The following ERBB4 variants were observed in gnomAD, a reference collection of about 807,000 sequenced individuals.
ERBB4 encodes receptor tyrosine-protein kinase erbB-4.
In ERBB4, 42 loss-of-function variants were observed where a neutral mutation model predicts 158.0. That is an observed-to-expected ratio of 0.27 (90% CI 0.21 to 0.34). ERBB4 has a LOEUF of 0.34. Among genes scored for constraint, ERBB4 ranks in the 10% least tolerant of loss-of-function variants. The probability of loss-of-function intolerance (pLI) is 1.00; values close to 1 mark genes in which losing one functional copy is unlikely to be tolerated. For missense variants in ERBB4, 1,333 were observed against 1,624.1 expected, an observed-to-expected ratio of 0.82 and a Z score of 3.08; for synonymous variants, 583 against 558.7, an observed-to-expected ratio of 1.04 and a Z score of -0.61.
At position 211,769,066 on chromosome 2, in the gene ERBB4, T is replaced by C. The variant is rs953485754; in HGVS notation, c.557-18362A>G. On this transcript the variant is annotated intron_variant, in intron 4 of 27. Coordinates refer to ENST00000342788, the MANE Select transcript of ERBB4 (RefSeq NM_005235.3). ...GCACCCTAGTCATATCTTGAATGCT[T>C]TGCTGTTTAGAAATTTCTTCTGCCA... 1.1e-4 allele frequency among the ~76,000 whole-genome samples: 16 copies of C among 152,208 alleles called. 1 individual carries two copies. Among genetic ancestry groups the C allele is most frequent in the African/African-American group, 3.9e-4 (16 of 41,430 alleles).
intron 1 of ERBB4, among the ~76,000 whole-genome samples, chr2:212,536,200 T>C (rs947925332): frequency 6.6e-6 from 1 of 151,644 alleles, no homozygotes; most frequent in Admixed American, 6.6e-5. Flanking sequence ...GCCACACACA[T>C]ACATAGGCAC....
intron 1 of ERBB4, among the ~76,000 whole-genome samples, chr2:212,362,545 T>C (rs10176489): frequency 0.17 from 25,524 of 150,242 alleles, 2,470 homozygotes; most frequent in South Asian, 0.25. Context: ...TTCCTGACAT[T>C]CATGCCAAAT....
At chr2:211,456,751 C>T (rs2064392273) in intron 20 of ERBB4, among the ~76,000 whole-genome samples, 1 of 152,146 alleles carries the variant, frequency 6.6e-6, no homozygotes, top group Non-Finnish European at 1.5e-5. Context: ...ATATTAGATT[C>T]TCACAAGCAG....
At chr2:211,411,084 C>G (rs1397339835) in intron 25 of ERBB4, among the ~76,000 whole-genome samples, 1 of 151,990 alleles carries the variant, frequency 6.6e-6, no homozygotes, top group African/African-American at 2.4e-5. Flanking sequence ...AATTTTTGTA[C>G]TTTTAGTAGA....
At chr2:211,989,928 T>G (rs1206760819) in intron 2 of ERBB4, among the ~76,000 whole-genome samples, 1 of 151,966 alleles carries the variant, frequency 6.6e-6, no homozygotes, top group Non-Finnish European at 1.5e-5. Flanking sequence ...AATGGAATCA[T>G]TCATCCCTTA....
intron 1 of ERBB4, among the ~76,000 whole-genome samples, chr2:212,286,594 C>CTTGTTTTTTTTTTTTTTTTTTTT: frequency 1.8e-5 from 1 of 55,540 alleles, no homozygotes; most frequent in Admixed American, 2.4e-4. Context: ...TAAGTGCTGA[C>CTTGTTTTTTTTTTTTTTTTTTTT]TTTTTTTTTT....
chr2:212,404,521 A>T (rs181376572), intron 1 of ERBB4, among the ~76,000 whole-genome samples: 130 of 152,222 alleles, frequency 8.5e-4, no homozygotes, highest in African/African-American at 3.1e-3. Flanking sequence ...AGTAAAAGGG[A>T]AAACAGATAA....
At chr2:212,191,880 ATG>A in intron 1 of ERBB4, among the ~76,000 whole-genome samples, 1 of 1,742 alleles carries the variant, frequency 5.7e-4, no homozygotes, top group African/African-American at 1.8e-3. Flanking sequence ...TATAATACAT[ATG>A]TTACATGTTA....
chr2:212,354,684 T>C (rs1422896810), intron 1 of ERBB4, among the ~76,000 whole-genome samples: 1 of 152,076 alleles, frequency 6.6e-6, no homozygotes, highest in African/African-American at 2.4e-5. Flanking sequence ...AAACCAACAC[T>C]GCCATTATGA....
chr2:212,263,852 T>C (rs1274864733), intron 1 of ERBB4, among the ~76,000 whole-genome samples: 1 of 151,842 alleles, frequency 6.6e-6, no homozygotes, highest in Non-Finnish European at 1.5e-5. Context: ...CTTTTCACTT[T>C]GGATTGCAAG....
chr2:212,233,358 T>C (rs919451559), intron 1 of ERBB4, among the ~76,000 whole-genome samples: 1 of 152,162 alleles, frequency 6.6e-6, no homozygotes, highest in East Asian at 1.9e-4. Context: ...TAACTATATA[T>C]GTATATATTT....
At chr2:211,772,866 T>C (rs186394338) in intron 4 of ERBB4, among the ~76,000 whole-genome samples, 5,349 of 71,872 alleles carry the variant, frequency 0.074, 594 homozygotes, top group South Asian at 0.21. Context: ...TATATATATA[T>C]ATACACATAT....
At chr2:211,737,603 C>T (rs533955563) in intron 5 of ERBB4, among the ~76,000 whole-genome samples, 2 of 152,266 alleles carry the variant, frequency 1.3e-5, no homozygotes, top group South Asian at 2.1e-4. Context: ...AGATTAGACA[C>T]ATTGCTTAAC....
intron 20 of ERBB4, among the ~76,000 whole-genome samples, chr2:211,461,460 C>T (rs552810346): frequency 6.6e-6 from 1 of 152,146 alleles, no homozygotes; most frequent in Non-Finnish European, 1.5e-5. Context: ...GTCAGAGGAT[C>T]TGTGGTGGTA....
rs201241931 is a variant in ERBB4 at position 211,380,036 on chromosome 2, A to G, written c.*3579T>C. On this transcript the variant is annotated 3_prime_UTR_variant, in exon 28 of 28. Coordinates refer to ENST00000342788, the MANE Select transcript of ERBB4 (RefSeq NM_005235.3). ...TATTAGCTCACACACTATAACACTT[A>G]AACACTATTCCTTCTCTTAAATTAG... is the stretch of plus-strand genomic sequence containing the variant. 4.3e-6 allele frequency: 1 copy of G among 231,594 alleles called. No homozygotes were observed. Among genetic ancestry groups the G allele is most frequent in the Non-Finnish European group, 8.5e-6 (1 of 117,286 alleles). The allele number at this position is 231,594 out of a possible 1,614,324, so 14.3% of individuals were successfully genotyped here.
At chr2:211,945,045 C>G (rs1340501231) in intron 3 of ERBB4, among the ~76,000 whole-genome samples, 1 of 152,068 alleles carries the variant, frequency 6.6e-6, no homozygotes, top group Non-Finnish European at 1.5e-5. Context: ...CTTTGTATAA[C>G]ACAAAAGCAA....
intron 1 of ERBB4, among the ~76,000 whole-genome samples, chr2:212,174,134 G>A (rs2081594566): frequency 6.6e-6 from 1 of 152,016 alleles, no homozygotes; most frequent in South Asian, 2.1e-4. Flanking sequence ...GTCAAGAACA[G>A]TCATGAAAAA....
At chr2:212,197,382 C>T (rs141661856) in intron 1 of ERBB4, among the ~76,000 whole-genome samples, 1 of 152,168 alleles carries the variant, frequency 6.6e-6, no homozygotes, top group African/African-American at 2.4e-5. Flanking sequence ...GCTTTTAGAA[C>T]TTTGTGGATT....
At chr2:211,482,206 G>T (rs2065100053) in intron 20 of ERBB4, among the ~76,000 whole-genome samples, 1 of 152,202 alleles carries the variant, frequency 6.6e-6, no homozygotes, top group South Asian at 2.1e-4. Context: ...GTACATGGAT[G>T]TGAAGAAACT....
Sources: gnomAD v4.1 joint callset for allele counts (sites outside exome capture counted in the v4.1 genomes callset) on GRCh38, gnomAD v4.1.1 for gene constraint, MANE v1.5 for transcripts, NCBI Gene and HGNC (gene_info 2026-07-23, HGNC 2026-07-21) for gene names.